GPHN: variants seen among roughly 807,000 people sequenced by gnomAD.
The protein encoded by GPHN is gephyrin.
In GPHN, 17 loss-of-function variants were observed where a neutral mutation model predicts 95.5. The observed-to-expected ratio is 0.18, with a 90% confidence interval of 0.12 to 0.27. The LOEUF (loss-of-function observed/expected upper bound fraction) is 0.27. Ranked by LOEUF, GPHN falls within the 10% of genes least tolerant of loss-of-function variation. The pLI, the probability that GPHN is intolerant of heterozygous loss-of-function variation, is 1.00. For synonymous variants in GPHN, 320 were observed against 322.5 expected (o/e 0.99, Z 0.08); for missense variants, 660 against 978.1 (o/e 0.67, Z 4.34).
chr14:67,582,978 G>A, the GPHN span, among the ~76,000 whole-genome samples: 1 of 152,164 alleles, frequency 6.6e-6, no homozygotes, highest in African/African-American at 2.4e-5. This position sits in a 1 kb window ranked among gnomAD's most constrained non-coding sequence, Gnocchi z 5.0. Flanking sequence ...GTAGACTTAG[G>A]AAGAGGAACA....
the GPHN span, chr14:67,724,652 C>A: frequency 8.4e-7 from 1 of 1,193,894 alleles, no homozygotes; most frequent in Non-Finnish European, 1.3e-6. Flanking sequence ...CCCACTGGGG[C>A]CTCTGTCCAT....
chr14:67,353,965 GA>G, the GPHN span: 24,787 of 138,594 alleles, frequency 0.18, 2,855 homozygotes, highest in African/African-American at 0.35. Context: ...TGTCCCTTTA[GA>G]AAAAAAAAAA....
the GPHN span, among the ~76,000 whole-genome samples, chr14:67,452,759 A>T: frequency 1.3e-5 from 2 of 152,196 alleles, no homozygotes; most frequent in Admixed American, 1.3e-4. Context: ...CGATTATAAG[A>T]CATGTCTAGA....
chr14:67,567,532 A>G, the GPHN span, among the ~76,000 whole-genome samples: 1 of 151,604 alleles, frequency 6.6e-6, no homozygotes, highest in Non-Finnish European at 1.5e-5. Flanking sequence ...GGCTCGATGT[A>G]TCTGCCCTAC....
chr14:67,610,298 G>T, the GPHN span, among the ~76,000 whole-genome samples: 1 of 152,094 alleles, frequency 6.6e-6, no homozygotes, highest in Non-Finnish European at 1.5e-5. Context: ...TTTTTGTTGT[G>T]TATATTCTAG....
the GPHN span, among the ~76,000 whole-genome samples, chr14:67,427,429 G>A: frequency 6.6e-6 from 1 of 152,124 alleles, no homozygotes; most frequent in Non-Finnish European, 1.5e-5. Context: ...GGCCTTCGGC[G>A]GGCCCTGGGT....
At chr14:67,527,705 G>A in the GPHN span, among the ~76,000 whole-genome samples, 1 of 152,198 alleles carries the variant, frequency 6.6e-6, no homozygotes, top group African/African-American at 2.4e-5. Flanking sequence ...CTGGTGAAGT[G>A]TCCATTAATT....
At chr14:67,512,987 G>C in the GPHN span, among the ~76,000 whole-genome samples, 1 of 152,250 alleles carries the variant, frequency 6.6e-6, no homozygotes, top group African/African-American at 2.4e-5. Flanking sequence ...ATGTAAATCT[G>C]ATACAACCGA....
intron 9 of GPHN, among the ~76,000 whole-genome samples, chr14:66,981,287 C>G (rs1171149097): frequency 6.6e-6 from 1 of 152,026 alleles, no homozygotes; most frequent in African/African-American, 2.4e-5. Flanking sequence ...TCATTTCTTT[C>G]TTCCTTCCTT....
intron 10 of GPHN, among the ~76,000 whole-genome samples, chr14:67,054,969 G>T (rs528755082): frequency 6.6e-6 from 1 of 152,154 alleles, no homozygotes; most frequent in Non-Finnish European, 1.5e-5. Context: ...ATATTTAAAT[G>T]TAAAACCCAA....
At position 67,165,780 on chromosome 14, in the gene GPHN, C is replaced by T. The variant is rs141130375; in HGVS notation, c.1975+554C>T. 5.3e-5 allele frequency among the ~76,000 whole-genome samples: 8 copies of T among 152,344 alleles called. No individual in the cohort carries two copies. In the East Asian group the frequency reaches 1.5e-3, roughly 29 times the overall value. Reference sequence around the variant, plus strand: ...AATCCTACTCATCATCAGTCTACAACTTCCCCACTCCCACCCTTGTCCCAA... The same window carrying T: ...AATCCTACTCATCATCAGTCTACAATTTCCCCACTCCCACCCTTGTCCCAA... On this transcript the variant is annotated intron_variant, in intron 20 of 22. Coordinates refer to ENST00000478722, the MANE Select transcript of GPHN (RefSeq NM_020806.5).
intron 2 of GPHN, among the ~76,000 whole-genome samples, chr14:66,732,025 A>G (rs142604069): frequency 2.1e-4 from 32 of 152,308 alleles, no homozygotes; most frequent in African/African-American, 6.7e-4. Flanking sequence ...GAGTTTTAGG[A>G]ACCTCCACCT....
chr14:67,390,795 C>T, the GPHN span: 1 of 1,261,384 alleles, frequency 7.9e-7, no homozygotes, highest in Non-Finnish European at 1.2e-6. Context: ...CTGCATGTCC[C>T]TCTCTCCTGT....
the GPHN span, chr14:67,579,810 C>CT: frequency 6.2e-7 from 1 of 1,610,588 alleles, no homozygotes; most frequent in South Asian, 1.1e-5. Context: ...CCCACTCTGG[C>CT]TTTGCCCTCT....
chr14:67,214,873 G>T, the GPHN span, among the ~76,000 whole-genome samples: 1 of 151,470 alleles, frequency 6.6e-6, no homozygotes, highest in African/African-American at 2.4e-5. Context: ...CCTTGAAGAG[G>T]TCCTTCACAT....
chr14:66,685,100 T>C (rs1244810266), intron 2 of GPHN, among the ~76,000 whole-genome samples: 3 of 152,244 alleles, frequency 2.0e-5, no homozygotes, highest in Non-Finnish European at 4.4e-5. Flanking sequence ...TATGGCTGCA[T>C]AGTATTCCAT....
At chr14:67,619,407 T>C in the GPHN span, among the ~76,000 whole-genome samples, 90 of 152,380 alleles carry the variant, frequency 5.9e-4, 1 homozygote, top group Admixed American at 4.6e-4. Flanking sequence ...ATCTATATTA[T>C]ATCTCCGAAT....
chr14:66,778,224 A>G (rs2059459274), intron 3 of GPHN, among the ~76,000 whole-genome samples: 1 of 152,174 alleles, frequency 6.6e-6, no homozygotes, highest in Non-Finnish European at 1.5e-5. Context: ...CCCATTCACA[A>G]TTGCTTCAAG....
At chr14:67,616,027 AAAAG>A in the GPHN span, 20 of 308,844 alleles carry the variant, frequency 6.5e-5, no homozygotes, top group South Asian at 2.5e-4. Flanking sequence ...AAAAGCAAGA[AAAAG>A]AAAGAAGAGG....
Sources: allele counts gnomAD v4.1 joint callset (sites outside exome capture counted in the v4.1 genomes callset), GRCh38; gene constraint gnomAD v4.1.1; non-coding constraint Gnocchi (gnomAD v3.1); transcripts MANE v1.5; gene names NCBI Gene and HGNC (gene_info 2026-07-23, HGNC 2026-07-21).